Variants in GRIA2 observed in about 807,000 individuals in gnomAD.
GRIA2 encodes the protein glutamate ionotropic receptor AMPA type subunit 2.
A neutral mutation model predicts 97.3 loss-of-function variants in GRIA2; 14 were observed. The ratio of observed to expected loss-of-function variants is 0.14; its 90% CI spans 0.10 to 0.23. GRIA2 has a LOEUF of 0.23. GRIA2 is among the 10% of genes least tolerant of loss of function. GRIA2 has a pLI of 1.00. For synonymous variants in GRIA2, 412 were observed against 387.8 expected, an observed-to-expected ratio of 1.06 and a Z score of -0.73; for missense variants, 558 against 1,069.8, an observed-to-expected ratio of 0.52 and a Z score of 6.67.
Position 157,363,423 on chromosome 4 carries a change from C to T in GRIA2, c.*4-12C>T, listed in dbSNP as rs553176865. The T allele has an allele frequency of 1.2e-4, 155 of 1,241,712 alleles. No homozygotes were observed. Among genetic ancestry groups the T allele is most frequent in the Non-Finnish European group, 1.5e-4 (148 of 990,092 alleles). The allele number at this position is 1,241,712 out of a possible 1,614,324, so 76.9% of individuals were successfully genotyped here. On this transcript the variant is annotated splice_polypyrimidine_tract_variant and intron_variant, in intron 15 of 15. Coordinates refer to ENST00000264426, the MANE Select transcript of GRIA2 (RefSeq NM_001083619.3). Reference sequence around the variant, plus strand: ...ATTTCTTTTTCTTTCTTTCCCTCCTCTCTCATTTAAGATGACCTTGAATGA... The same window carrying T: ...ATTTCTTTTTCTTTCTTTCCCTCCTTTCTCATTTAAGATGACCTTGAATGA...
rs1280562151 is a variant in GRIA2, at chr4:157,312,747, G to A, written c.538G>A (p.Val180Met). The A allele has an allele frequency of 6.2e-7, 1 of 1,609,966 alleles. No individual in the cohort carries two copies. The highest frequency in any genetic ancestry group is 8.5e-7 in the Non-Finnish European group (1 of 1,176,762). ...EKKWQVTAINVGNINNDKKDE... is the reference protein window; with the variant it reads ...EKKWQVTAINMGNINNDKKDE... Reference sequence around the variant, plus strand: ...GAAATGGCAAGTGACTGCTATCAATGTGGGAAACATTAACAATGACAAGAA... The same window carrying A: ...GAAATGGCAAGTGACTGCTATCAATATGGGAAACATTAACAATGACAAGAA... Residue 180 changes from valine (V) to methionine (M), a missense_variant, in exon 4 of 16, where the codon GTG becomes ATG. Val to Met is a conservative substitution (Grantham distance 21). Coordinates refer to ENST00000264426, the MANE Select transcript of GRIA2 (RefSeq NM_001083619.3).
At chr4:157,335,929 A>G (rs1449558448) in intron 10 of GRIA2, 52 bp downstream of exon 10, 1 of 1,157,210 alleles carries the variant, frequency 8.6e-7, no homozygotes, top group Admixed American at 1.9e-5. Flanking sequence ...ATTGTTGTTG[A>G]CAGACTGCTT....
intron 6 of GRIA2, among the ~76,000 whole-genome samples, chr4:157,323,987 A>T (rs1734698562): frequency 1.3e-5 from 2 of 152,160 alleles, no homozygotes; most frequent in African/African-American, 2.4e-5. Context: ...GCTGTGAATC[A>T]CTGTTTGACC....
At chr4:157,259,183 G>A (rs1464833662) in intron 2 of GRIA2, among the ~76,000 whole-genome samples, 3 of 152,092 alleles carry the variant, frequency 2.0e-5, no homozygotes, top group Non-Finnish European at 4.4e-5. Flanking sequence ...TGCCATGCTT[G>A]AGCCACTGCA....
intron 5 of GRIA2, among the ~76,000 whole-genome samples, chr4:157,318,759 C>T (rs755471320): frequency 6.6e-6 from 1 of 151,994 alleles, no homozygotes; most frequent in Non-Finnish European, 1.5e-5. Context: ...CCCTGTCTCA[C>T]CCAAGAACAA....
chr4:157,350,068 A>C (rs1217083244), intron 12 of GRIA2, among the ~76,000 whole-genome samples: 3 of 152,138 alleles, frequency 2.0e-5, no homozygotes, highest in Non-Finnish European at 4.4e-5. Context: ...TTGACAATCT[A>C]TTCTGTTTTG....
At chr4:157,245,404 C>A (rs1236839229) in intron 2 of GRIA2, among the ~76,000 whole-genome samples, 1 of 152,004 alleles carries the variant, frequency 6.6e-6, no homozygotes, top group Non-Finnish European at 1.5e-5. Flanking sequence ...ACATGTCATT[C>A]AAAGGAATAG....
chr4:157,341,885 GA>G (rs1000157317), intron 12 of GRIA2, among the ~76,000 whole-genome samples: 1 of 152,096 alleles, frequency 6.6e-6, no homozygotes, highest in African/African-American at 2.4e-5. Context: ...TATGTGTGAG[GA>G]AACAGACTAT....
chr4:157,226,021 A>G (rs1729728548), intron 2 of GRIA2, among the ~76,000 whole-genome samples: 1 of 151,992 alleles, frequency 6.6e-6, no homozygotes. Flanking sequence ...ACTTGATTCT[A>G]CAGGGTTTGA....
chr4:157,327,304 T>C (rs1310657338), intron 6 of GRIA2, among the ~76,000 whole-genome samples: 1 of 152,100 alleles, frequency 6.6e-6, no homozygotes, highest in Non-Finnish European at 1.5e-5. Context: ...AATATAACAT[T>C]ATTATTGTGA....
At chr4:157,299,086 G>A (rs1189997529) in intron 2 of GRIA2, among the ~76,000 whole-genome samples, 1 of 152,116 alleles carries the variant, frequency 6.6e-6, no homozygotes, top group African/African-American at 2.4e-5. Context: ...TGGCAGCTAT[G>A]TGGAAAAGAA....
At chr4:157,317,477 T>G (rs1734374048) in intron 4 of GRIA2, among the ~76,000 whole-genome samples, 181 bp from the exon 5 acceptor site, 1 of 152,178 alleles carries the variant, frequency 6.6e-6, no homozygotes, top group Admixed American at 6.5e-5. Context: ...TTATTACTTT[T>G]TATGAGAGAA....
At chr4:157,256,811 G>T (rs927695714) in intron 2 of GRIA2, among the ~76,000 whole-genome samples, 1 of 151,908 alleles carries the variant, frequency 6.6e-6, no homozygotes, top group African/African-American at 2.4e-5. Context: ...TATCTAGAAG[G>T]ACTTGGTATC....
intron 3 of GRIA2, among the ~76,000 whole-genome samples, chr4:157,309,328 G>A (rs1039995429): frequency 1.3e-5 from 2 of 149,512 alleles, no homozygotes; most frequent in Admixed American, 6.7e-5. Flanking sequence ...AAATGAGTTT[G>A]AAAGTCAGAG....
chr4:157,281,174 C>T (rs1165328873), intron 2 of GRIA2, among the ~76,000 whole-genome samples: 2 of 152,110 alleles, frequency 1.3e-5, no homozygotes, highest in Non-Finnish European at 2.9e-5. Flanking sequence ...ACAGGAGGCA[C>T]ATAGAATTCA....
chr4:157,307,713 T>C (rs754338394), intron 3 of GRIA2, among the ~76,000 whole-genome samples: 1 of 152,224 alleles, frequency 6.6e-6, no homozygotes, highest in Non-Finnish European at 1.5e-5. Flanking sequence ...GTCAACAAGG[T>C]AAGATAATAC....
At chr4:157,268,985 T>C (rs534435024) in intron 2 of GRIA2, among the ~76,000 whole-genome samples, 1 of 152,214 alleles carries the variant, frequency 6.6e-6, no homozygotes, top group African/African-American at 2.4e-5. Context: ...ACCATGTACA[T>C]GCATAAACAC....
intron 12 of GRIA2, among the ~76,000 whole-genome samples, chr4:157,358,394 A>T (rs1475307535): frequency 2.0e-5 from 3 of 152,276 alleles, no homozygotes; most frequent in African/African-American, 4.8e-5. Flanking sequence ...ACTCTCATAG[A>T]TATGCTTTTA....
At chr4:157,321,716 T>C (rs1464140391) in intron 6 of GRIA2, 117 bp downstream of exon 6, 3 of 649,344 alleles carry the variant, frequency 4.6e-6, no homozygotes, top group East Asian at 2.7e-5. Context: ...TTTCAAAATA[T>C]GGCAAACATA....
Sources: gnomAD v4.1 joint callset for allele counts (sites outside exome capture counted in the v4.1 genomes callset) on GRCh38, gnomAD v4.1.1 for gene constraint, MANE v1.5 for transcripts, NCBI Gene and HGNC (gene_info 2026-07-23, HGNC 2026-07-21) for gene names.